SDHA: variants seen among roughly 807,000 people sequenced by gnomAD.
SDHA encodes succinate dehydrogenase complex flavoprotein subunit A.
In SDHA, 48 loss-of-function variants were observed where a neutral mutation model predicts 78.4. That is an observed-to-expected ratio of 0.61 (90% CI 0.49 to 0.78). The LOEUF (loss-of-function observed/expected upper bound fraction) is 0.78, where lower values mean the gene tolerates loss of function less well. Ranked by LOEUF, SDHA falls within the 30% of genes least tolerant of loss-of-function variation. The pLI is 0.00. For synonymous variants in SDHA, 326 were observed against 353.9 expected (o/e 0.92, Z 0.88); for missense variants, 680 against 892.7 (o/e 0.76, Z 3.04).
Position 235,291 on chromosome 5 carries a change from C to T in SDHA, c.1212C>T (p.Pro404=). 1 of 1,614,196 alleles carries T rather than the reference C, an allele frequency of 6.2e-7. No individual in the cohort carries two copies. The highest frequency in any genetic ancestry group is 1.1e-5 in the South Asian group (1 of 91,088). The change falls in exon 9 of 15, where the codon CCC becomes CCT. Residue 404 remains proline, a synonymous_variant. Transcript: ENST00000264932. ...CGAAGGAGCCGATCCCTGTCCTCCC[C>T]ACCGTGCATTATAACATGGGCGGCA... ...DVTKEPIPVL[P]TVHYNMGGIP... is the part of the protein sequence containing the mutation.
intron 8 of SDHA, 50 bp downstream of exon 8, chr5:233,695 G>A (rs1735573191): frequency 1.2e-6 from 2 of 1,600,874 alleles, no homozygotes; most frequent in Non-Finnish European, 8.6e-7. Flanking sequence ...ACGGGCCGGG[G>A]TTGCTTCTGT....
intron 1 of SDHA, among the ~76,000 whole-genome samples, chr5:218,688 C>T (rs200038288): frequency 3.9e-5 from 6 of 152,140 alleles, no homozygotes; most frequent in African/African-American, 1.2e-4. Flanking sequence ...CCTCCGCCGC[C>T]TTGGTCCGGG....
intron 11 of SDHA, among the ~76,000 whole-genome samples, chr5:244,221 A>G (rs2126613744): frequency 6.6e-6 from 1 of 151,774 alleles, no homozygotes; most frequent in East Asian, 2.0e-4. Context: ...GCTGCACAGT[A>G]GCTGTGAGTC....
chr5:259,834 CCG>C, downstream of SDHA, among the ~76,000 whole-genome samples: 1 of 31,294 alleles, frequency 3.2e-5, no homozygotes. Flanking sequence ...CCGAGCATTA[CCG>C]TGTGAGCTCC....
chr5:247,390 CT>C (rs1561007153), intron 11 of SDHA, among the ~76,000 whole-genome samples: 2 of 152,346 alleles, frequency 1.3e-5, no homozygotes, highest in East Asian at 1.9e-4. Flanking sequence ...CTTCCAGGAC[CT>C]TTGACTGCAG....
chr5:264,892 C>G, the SDHA span, among the ~76,000 whole-genome samples: 1 of 152,122 alleles, frequency 6.6e-6, no homozygotes, highest in African/African-American at 2.4e-5. Context: ...AAAACTATAA[C>G]TAATTATGTT....
chr5:232,767 G>C (rs1201550631), intron 7 of SDHA, among the ~76,000 whole-genome samples: 2 of 152,212 alleles, frequency 1.3e-5, no homozygotes, highest in Non-Finnish European at 2.9e-5. Flanking sequence ...ATTTAGTTTA[G>C]GGTTTTTGAT....
intron 1 of SDHA, among the ~76,000 whole-genome samples, chr5:221,058 C>G (rs1281487017): frequency 1.3e-5 from 2 of 152,114 alleles, no homozygotes; most frequent in Non-Finnish European, 2.9e-5. Flanking sequence ...CGTGATCCGC[C>G]CGCCTCGGTC....
At chr5:244,486 T>C (rs76564288) in intron 11 of SDHA, among the ~76,000 whole-genome samples, 36,330 of 150,452 alleles carry the variant, frequency 0.24, 6,744 homozygotes, top group African/African-American at 0.53. Flanking sequence ...AAAAGTGAAA[T>C]TAAATGAACA....
chr5:243,646 G>C (rs909525707), intron 11 of SDHA, among the ~76,000 whole-genome samples: 5 of 152,192 alleles, frequency 3.3e-5, no homozygotes, highest in African/African-American at 1.2e-4. Flanking sequence ...TGATTTTATA[G>C]CTCGGTTACA....
the SDHA span, among the ~76,000 whole-genome samples, chr5:266,877 GTGTCTAAAATATTCAGTCC>G: frequency 6.6e-6 from 1 of 152,034 alleles, no homozygotes; most frequent in African/African-American, 2.4e-5. Flanking sequence ...GGTGGCCGCT[GTGTCTAAAATATTCAGTCC>G]CGTGCAGTAG....
chr5:218,970 G>A (rs924970487), intron 1 of SDHA, among the ~76,000 whole-genome samples: 4 of 152,086 alleles, frequency 2.6e-5, no homozygotes, highest in African/African-American at 9.7e-5. Flanking sequence ...TGGGAAGCGT[G>A]GCGCGCCCGA....
In SDHA at chr5:235,483, A is replaced by T; in HGVS notation, c.1260+144A>T. ...GTATTGTTTTCTAGATTGCACTTTA[A>T]ATTTCTATTACCGGAGGATGGAGGG... is the stretch of plus-strand genomic sequence containing the variant. On this transcript the variant is annotated intron_variant, in intron 9 of 14. Coordinates refer to ENST00000264932, the MANE Select transcript of SDHA (RefSeq NM_004168.4). The T allele has an allele frequency of 3.6e-6, 3 of 830,000 alleles. No homozygotes were observed. The Middle Eastern group carries it at 6.6e-4, about 181-fold the overall frequency. The allele number at this position is 830,000 out of a possible 1,614,324, so 51.4% of individuals were successfully genotyped here.
At chr5:235,098 G>C in intron 8 of SDHA, 46 bp from the exon 9 acceptor site, 2 of 1,576,354 alleles carry the variant, frequency 1.3e-6, no homozygotes, top group Non-Finnish European at 1.7e-6. Context: ...CAGGTCTCCT[G>C]CCGTTGCCGT....
rs536777108 is a variant in SDHA at position 247,142 on chromosome 5, T to G, written c.1552-3850T>G. ...AAGGTAAAGTTTTCTAGACACCCTA[T>G]GCTTCAGCTCAAAAAGTGGAGCTTG... On this transcript the variant is annotated intron_variant, in intron 11 of 14. Coordinates refer to ENST00000264932, the MANE Select transcript of SDHA (RefSeq NM_004168.4). Among the ~76,000 whole-genome samples, 116 of 152,202 alleles carry G rather than the reference T, an allele frequency of 7.6e-4. 1 individual carries two copies. The highest frequency in any genetic ancestry group is 2.5e-3 in the African/African-American group (106 of 41,580).
chr5:245,969 A>G (rs1269789246), intron 11 of SDHA, among the ~76,000 whole-genome samples: 1 of 152,228 alleles, frequency 6.6e-6, no homozygotes, highest in Non-Finnish European at 1.5e-5. Context: ...TGAGTAATCT[A>G]TTTTCTATCC....
At chr5:238,321 T>G (rs1195895871) in intron 10 of SDHA, among the ~76,000 whole-genome samples, 1 of 152,090 alleles carries the variant, frequency 6.6e-6, no homozygotes, top group Non-Finnish European at 1.5e-5. Context: ...ATGATGAGTT[T>G]ATTTTACTGT....
intron 2 of SDHA, 29 bp from the exon 3 acceptor site, chr5:224,331 T>A (rs777974192): frequency 9.9e-6 from 16 of 1,609,498 alleles, no homozygotes; most frequent in Middle Eastern, 2.1e-4. Context: ...GTGGAACATG[T>A]GATTGACAGG....
Position 219,314 on chromosome 5 carries a change from AGAATC to A in SDHA, c.63+898_63+902del, listed in dbSNP as rs1734583115. On this transcript the variant is annotated intron_variant, in intron 1 of 14. Coordinates refer to ENST00000264932, the MANE Select transcript of SDHA (RefSeq NM_004168.4). ...ATGTGCCCTCTACGATTGCATCTTA[AGAATC>A]GGCCTTCTAGGGTTTTATTTAATCA... is the stretch of plus-strand genomic sequence containing the variant. 3.9e-5 allele frequency among the ~76,000 whole-genome samples: 6 copies of A among 152,220 alleles called. No homozygotes were observed. The South Asian group carries it at 1.2e-3, about 32-fold the overall frequency.
Sources: gnomAD v4.1 joint callset for allele counts (sites outside exome capture counted in the v4.1 genomes callset) on GRCh38, gnomAD v4.1.1 for gene constraint, MANE v1.5 for transcripts, NCBI Gene and HGNC (gene_info 2026-07-23, HGNC 2026-07-21) for gene names.